PPP1R3A: variants seen among roughly 807,000 people sequenced by gnomAD.
PPP1R3A encodes RG1.
A neutral mutation model predicts 41.7 loss-of-function variants in PPP1R3A; 29 were observed. The observed-to-expected ratio is 0.70, with a 90% CI of 0.52 to 0.95. The LOEUF (loss-of-function observed/expected upper bound fraction) is 0.95, where lower values mean the gene tolerates loss of function less well. Ranked by LOEUF, PPP1R3A falls within the 40% of genes least tolerant of loss-of-function variation. PPP1R3A has a pLI of 0.00. For missense variants in PPP1R3A, 1,352 were observed against 1,292.4 expected, an observed-to-expected ratio of 1.05 and a Z score of -0.71; for synonymous variants, 485 against 453.4, an observed-to-expected ratio of 1.07 and a Z score of -0.89.
chr7:113,882,269 C>A lies in PPP1R3A; in HGVS notation c.834G>T (p.Lys278Asn), dbSNP rs994923173. ...TSEENNFENP[K>N]NTDTYIPTII... Reference sequence around the variant, plus strand: ...ATTAATGAAGAATATTACCTGTATTCTTTGGATTCTCAAAGTTATTTTCTT... The same window carrying A: ...ATTAATGAAGAATATTACCTGTATTATTTGGATTCTCAAAGTTATTTTCTT... The change falls in exon 2 of 4, where the codon AAG (lysine) becomes AAT (asparagine). Residue 278 changes from lysine (K) to asparagine (N), a missense_variant. Physicochemically the swap from Lys to Asn is moderately conservative, Grantham distance 94 (BLOSUM62 0). Coordinates refer to ENST00000284601, the MANE Select transcript of PPP1R3A (RefSeq NM_002711.4). 4 of 1,505,970 alleles carry A rather than the reference C, an allele frequency of 2.7e-6. No homozygotes were observed. The highest frequency in any genetic ancestry group is 1.7e-5 in the Admixed American group (1 of 59,428). The allele number at this position is 1,505,970 out of a possible 1,614,324, so 93.3% of individuals were successfully genotyped here. A position where few individuals can be genotyped will look rare whatever the true frequency, so the allele number is the denominator to read the frequency against.
At position 113,879,208 on chromosome 7, in the gene PPP1R3A, A is replaced by T. The variant is rs911143253; in HGVS notation, c.1884T>A (p.Asn628Lys). The change falls in exon 4 of 4, where the codon AAT (asparagine) becomes AAA (lysine). Residue 628 changes from asparagine to lysine, a missense_variant. Asn to Lys is a moderately conservative substitution (Grantham distance 94). Transcript: ENST00000284601. ...CSSRTGNVLR[N>K]DYLFQVEEKS... Reference sequence around the variant, plus strand: ...TTTCTTCAACTTGGAAAAGATAATCATTCCTCAAAACATTTCCAGTTCTTG... The same window carrying T: ...TTTCTTCAACTTGGAAAAGATAATCTTTCCTCAAAACATTTCCAGTTCTTG... 7 of 1,613,642 alleles carry T rather than the reference A, an allele frequency of 4.3e-6. No homozygotes were observed. In the East Asian group the frequency reaches 1.1e-4, roughly 26 times the overall value.
At chr7:113,906,417 AG>A (rs1258175612) in intron 1 of PPP1R3A, among the ~76,000 whole-genome samples, 1 of 151,774 alleles carries the variant, frequency 6.6e-6, no homozygotes, top group Non-Finnish European at 1.5e-5. Context: ...GAGTTGGCAA[AG>A]GTAAATTAGG....
chr7:113,901,778 C>G (rs564220240), intron 1 of PPP1R3A, among the ~76,000 whole-genome samples: 14 of 151,700 alleles, frequency 9.2e-5, no homozygotes, highest in African/African-American at 2.9e-4. Context: ...CCCTGAAAAC[C>G]AACATACTCA....
At chr7:113,894,253 G>A (rs1796942208) in intron 1 of PPP1R3A, among the ~76,000 whole-genome samples, 2 of 151,962 alleles carry the variant, frequency 1.3e-5, no homozygotes, top group South Asian at 2.1e-4. Flanking sequence ...TAAATTGTAA[G>A]CTGAAGAAGA....
At chr7:113,915,965 C>G (rs1348756515) in intron 1 of PPP1R3A, among the ~76,000 whole-genome samples, 1 of 151,930 alleles carries the variant, frequency 6.6e-6, no homozygotes, top group African/African-American at 2.4e-5. Context: ...TAAATTATAT[C>G]ATGGAAAAGC....
chr7:113,893,804 G>A (rs886783706), intron 1 of PPP1R3A, among the ~76,000 whole-genome samples: 4 of 151,904 alleles, frequency 2.6e-5, no homozygotes, highest in Non-Finnish European at 5.9e-5. Context: ...CCAGTACCTC[G>A]GAGCTTGATC....
rs774602039 is a variant in PPP1R3A at position 113,918,930 on chromosome 7, C to CA, written c.66dup (p.Asp23Ter). ...ACTTCTTCATCTTCACAAAGAGAGT[C>CA]AGATAAATTAGGAACTTCTAAAAAA... On this transcript the variant is annotated frameshift_variant, in exon 1 of 4. Transcript: ENST00000284601. LOFTEE classifies it high-confidence loss of function. 1.2e-6 allele frequency: 2 copies of CA among 1,612,708 alleles called. No homozygotes were observed. The highest frequency in any genetic ancestry group is 1.7e-6 in the Non-Finnish European group (2 of 1,179,142).
At chr7:113,917,655 CT>C (rs1797363334) in intron 1 of PPP1R3A, among the ~76,000 whole-genome samples, 1 of 151,918 alleles carries the variant, frequency 6.6e-6, no homozygotes, top group Admixed American at 6.6e-5. Flanking sequence ...ATACTTATGT[CT>C]TTCTGTTAAT....
rs142769073 is a variant in PPP1R3A at position 113,879,128 on chromosome 7, C to T, written c.1964G>A (p.Ser655Asn). 6.8e-5 allele frequency: 110 copies of T among 1,613,652 alleles called. No homozygotes were observed. Among genetic ancestry groups the T allele is most frequent in the Non-Finnish European group, 9.0e-5 (106 of 1,179,820 alleles). The stretch of plus-strand genomic sequence containing the variant: ...TCCCTGACTTTCCAGAACATTCCAA[C>T]TTTGTTTATGCTGTGGGCTATTATC... ...DQDNSPQHKQ[S>N]WNVLESQGKS... is the part of the protein sequence containing the mutation. The change falls in exon 4 of 4, where the codon AGT becomes AAT. Residue 655 changes from serine (S) to asparagine (N), a missense_variant. Ser to Asn is a conservative substitution (Grantham distance 46). Transcript: ENST00000284601.
chr7:113,897,718 T>C (rs2129117716), intron 1 of PPP1R3A, among the ~76,000 whole-genome samples: 1 of 151,936 alleles, frequency 6.6e-6, no homozygotes, highest in East Asian at 1.9e-4. Flanking sequence ...CATTGAAGGC[T>C]TTTGGGTCCC....
intron 1 of PPP1R3A, among the ~76,000 whole-genome samples, chr7:113,891,380 C>T (rs1796886027): frequency 6.6e-6 from 1 of 152,014 alleles, no homozygotes; most frequent in African/African-American, 2.4e-5. Flanking sequence ...TTGTATGCTG[C>T]TTCTTTTACT....
chr7:113,886,561 A>G (rs1033857894), intron 1 of PPP1R3A, among the ~76,000 whole-genome samples: 5 of 152,180 alleles, frequency 3.3e-5, no homozygotes, highest in African/African-American at 1.2e-4. Context: ...ATAGACTAAT[A>G]CAGGTGGGTC....
intron 1 of PPP1R3A, among the ~76,000 whole-genome samples, chr7:113,883,209 G>A (rs186346193): frequency 1.4e-4 from 22 of 152,050 alleles, no homozygotes; most frequent in African/African-American, 3.9e-4. Context: ...AATATTTGGC[G>A]CAGTATACAC....
chr7:113,879,014 C>T lies in PPP1R3A; in HGVS notation c.2078G>A (p.Arg693Lys), dbSNP rs750691323. ...EDVWGKRDNTRSLKATTEELF... is the reference protein window; with the variant it reads ...EDVWGKRDNTKSLKATTEELF... Reference sequence around the variant, plus strand: ...TTCTTCTGTAGTAGCTTTCAAACTCCTCGTATTATCTCTTTTTCCCCACAC... The same window carrying T: ...TTCTTCTGTAGTAGCTTTCAAACTCTTCGTATTATCTCTTTTTCCCCACAC... Residue 693 changes from arginine to lysine, a missense_variant, in exon 4 of 4, where the codon AGG becomes AAG. By Grantham distance (26) the Arg-to-Lys change is conservative. Coordinates refer to ENST00000284601, the MANE Select transcript of PPP1R3A (RefSeq NM_002711.4). The T allele has an allele frequency of 5.0e-6, 8 of 1,613,438 alleles. No individual in the cohort carries two copies. The South Asian group carries it at 8.8e-5, about 18-fold the overall frequency.
At chr7:113,916,531 C>T (rs1797345875) in intron 1 of PPP1R3A, among the ~76,000 whole-genome samples, 1 of 152,024 alleles carries the variant, frequency 6.6e-6, no homozygotes, top group South Asian at 2.1e-4. Flanking sequence ...CACAGTTCAG[C>T]AGGTATTGCT....
intron 1 of PPP1R3A, among the ~76,000 whole-genome samples, chr7:113,896,016 G>A (rs1007532923): frequency 4.6e-5 from 7 of 151,856 alleles, no homozygotes; most frequent in East Asian, 1.9e-4. Flanking sequence ...GTTGATGAGC[G>A]TATAAGAGAG....
intron 1 of PPP1R3A, among the ~76,000 whole-genome samples, chr7:113,899,271 A>G (rs550986938): frequency 5.3e-5 from 8 of 151,930 alleles, no homozygotes; most frequent in African/African-American, 1.9e-4. Context: ...TGTGCTCACC[A>G]CTTCATCCAA....
chr7:113,884,296 G>A (rs1796744418), intron 1 of PPP1R3A, among the ~76,000 whole-genome samples: 1 of 151,892 alleles, frequency 6.6e-6, no homozygotes, highest in African/African-American at 2.4e-5. Context: ...AAAATAAAGG[G>A]CAAATGATGG....
chr7:113,894,692 T>C (rs80061180), intron 1 of PPP1R3A, among the ~76,000 whole-genome samples: 2,043 of 152,040 alleles, frequency 0.013, 15 homozygotes, highest in Non-Finnish European at 0.023. Context: ...TTTTTTGTGA[T>C]TGTATAAAAA....
Sources: allele counts gnomAD v4.1 joint callset (sites outside exome capture counted in the v4.1 genomes callset), GRCh38; gene constraint gnomAD v4.1.1; transcripts MANE v1.5; gene names NCBI Gene and HGNC (gene_info 2026-07-23, HGNC 2026-07-21).